The following PCDHA2 variants were observed in gnomAD, a reference collection of about 807,000 sequenced individuals.
PCDHA2 encodes protocadherin alpha-2.
PCDHA2 carries 58 observed loss-of-function variants against 66.0 expected under a neutral mutation model. The observed-to-expected ratio is 0.88, with a 90% CI of 0.71 to 1.09. The LOEUF (loss-of-function observed/expected upper bound fraction) is 1.09. Ranked by LOEUF, PCDHA2 falls within the 50% of genes least tolerant of loss-of-function variation. The pLI is 0.00. For missense variants in PCDHA2, 1,267 were observed against 1,242.3 expected, an observed-to-expected ratio of 1.02 and a Z score of -0.30; for synonymous variants, 634 against 554.0, an observed-to-expected ratio of 1.14 and a Z score of -2.03.
intron 1 of PCDHA2, chr5:140,829,278 A>G: frequency 6.2e-7 from 1 of 1,614,236 alleles, no homozygotes; most frequent in Non-Finnish European, 8.5e-7. Flanking sequence ...GTCCCTTTCA[A>G]GCTGGTGTCC....
chr5:140,805,708 A>G (rs1009335887), intron 1 of PCDHA2: 2 of 633,596 alleles, frequency 3.2e-6, no homozygotes, highest in Non-Finnish European at 3.9e-6. Context: ...GAATTAGAAT[A>G]AAAATTAAGC....
At chr5:140,913,896 C>T (rs1440194616) in intron 1 of PCDHA2, among the ~76,000 whole-genome samples, 5 of 152,018 alleles carry the variant, frequency 3.3e-5, no homozygotes, top group African/African-American at 7.2e-5. Context: ...TCCAAAATTC[C>T]CCTTTTTTAT....
chr5:140,893,138 A>G (rs1336386852), intron 1 of PCDHA2, among the ~76,000 whole-genome samples: 1 of 152,142 alleles, frequency 6.6e-6, no homozygotes, highest in Non-Finnish European at 1.5e-5. Context: ...TTCTTTATCC[A>G]CTCATCTGTT....
chr5:140,852,375 T>A lies in PCDHA2; in HGVS notation c.2388+55023T>A, dbSNP rs2042313801. ...TCACTGCAACGTCTGCCTCCTGGGTTCAAGCAATTCTCCTGCCTCAGCCTC... is the reference window on the plus strand; with the variant it reads ...TCACTGCAACGTCTGCCTCCTGGGTACAAGCAATTCTCCTGCCTCAGCCTC... On this transcript the variant is annotated intron_variant, in intron 1 of 3. Transcript: ENST00000526136. 1.0e-5 allele frequency: 2 copies of A among 192,516 alleles called. 1 individual carries two copies. The highest frequency in any genetic ancestry group is 1.3e-4 in the Admixed American group (2 of 14,898). The allele number at this position is 192,516 out of a possible 1,614,324, so 11.9% of individuals were successfully genotyped here. A position where few individuals can be genotyped will look rare whatever the true frequency, so the allele number is the denominator to read the frequency against.
chr5:140,857,185 A>T (rs782245615), intron 1 of PCDHA2: 1 of 1,598,506 alleles, frequency 6.3e-7, no homozygotes, highest in South Asian at 1.1e-5. Flanking sequence ...ATGATTCAGG[A>T]GCCAACGGAC....
At chr5:140,886,615 C>A (rs1032902050) in intron 1 of PCDHA2, among the ~76,000 whole-genome samples, 2 of 152,028 alleles carry the variant, frequency 1.3e-5, no homozygotes, top group Admixed American at 1.3e-4. Flanking sequence ...ATCAGGAGAT[C>A]AGGAGTCCGA....
chr5:140,818,014 A>G (rs1453170994), intron 1 of PCDHA2, among the ~76,000 whole-genome samples: 1 of 152,160 alleles, frequency 6.6e-6, no homozygotes, highest in Non-Finnish European at 1.5e-5. Context: ...CACTTTTAAC[A>G]GCTTTACTAT....
In PCDHA2 at chr5:140,967,846, C is replaced by T. The variant is rs151021111; in HGVS notation, c.2389-11103C>T. ...TGGTGGACATCGTGGACGTGAATGA[C>T]AATGCCCCAGAGGTGGTGCTCACGG... On this transcript the variant is annotated intron_variant, in intron 1 of 3. Coordinates refer to ENST00000526136, the MANE Select transcript of PCDHA2 (RefSeq NM_018905.3). 708 of 1,614,166 alleles carry T rather than the reference C, an allele frequency of 4.4e-4. 2 individuals are homozygous for T. Among genetic ancestry groups the T allele is most frequent in the Middle Eastern group, 2.8e-3 (17 of 6,062 alleles).
At chr5:140,842,217 C>T (rs145025203) in intron 1 of PCDHA2, 1 of 1,613,264 alleles carries the variant, frequency 6.2e-7, no homozygotes, top group South Asian at 1.1e-5. Context: ...GATCGAAATA[C>T]GGGAGAAATA....
At chr5:140,807,786 T>C (rs1554124270) in intron 1 of PCDHA2, 18 of 1,614,120 alleles carry the variant, frequency 1.1e-5, no homozygotes, top group Non-Finnish European at 1.5e-5. Flanking sequence ...CGGAAATCTT[T>C]AGACAGAGAA....
chr5:140,924,103 TC>T (rs1377290150), intron 1 of PCDHA2, among the ~76,000 whole-genome samples: 1 of 152,234 alleles, frequency 6.6e-6, no homozygotes, highest in African/African-American at 2.4e-5. Flanking sequence ...AAATTTTCAT[TC>T]CAAAGCAGTT....
At chr5:140,836,969 C>T (rs2150271753) in intron 1 of PCDHA2, 9 of 381,928 alleles carry the variant, frequency 2.4e-5, no homozygotes, top group Non-Finnish European at 3.7e-5. Flanking sequence ...TGGCTACTCT[C>T]CATTTTTGGA....
intron 1 of PCDHA2, among the ~76,000 whole-genome samples, chr5:140,881,772 C>A (rs1253242879): frequency 6.6e-6 from 1 of 152,200 alleles, no homozygotes; most frequent in Admixed American, 6.5e-5. Context: ...CATGACTATG[C>A]AGAACTACCG....
intron 3 of PCDHA2, among the ~76,000 whole-genome samples, chr5:141,000,387 CTCTCTCTCTATATA>C (rs1446529556): frequency 4.5e-4 from 30 of 66,870 alleles, no homozygotes; most frequent in African/African-American, 1.4e-3. Flanking sequence ...CTCTCTCTCT[CTCTCTCTCTATATA>C]TATATATATA....
At chr5:140,836,556 G>T (rs1441069501) in intron 1 of PCDHA2, 2 of 1,613,776 alleles carry the variant, frequency 1.2e-6, no homozygotes, top group Non-Finnish European at 1.7e-6. Flanking sequence ...GCGGTGCTCA[G>T]CGCCGTCCTC....
intron 1 of PCDHA2, among the ~76,000 whole-genome samples, chr5:140,916,814 G>A (rs1201189287): frequency 3.3e-5 from 5 of 152,112 alleles, no homozygotes; most frequent in African/African-American, 1.2e-4. Context: ...TAGGTCATGT[G>A]CCACCCCTAT....
intron 1 of PCDHA2, chr5:140,884,130 C>T (rs1554181258): frequency 3.1e-6 from 5 of 1,613,434 alleles, no homozygotes; most frequent in Non-Finnish European, 3.4e-6. Flanking sequence ...GCGCGCATCC[C>T]GTTCCGCGTG....
intron 1 of PCDHA2, chr5:140,860,013 G>T (rs1218796590): frequency 6.6e-6 from 1 of 151,942 alleles, no homozygotes; most frequent in African/African-American, 2.4e-5. Flanking sequence ...TTAAGGCCAG[G>T]CATGGTGGCT....
chr5:140,955,006 C>T (rs1304080416), intron 1 of PCDHA2, among the ~76,000 whole-genome samples: 1 of 152,154 alleles, frequency 6.6e-6, no homozygotes, highest in African/African-American at 2.4e-5. Flanking sequence ...AGCCAATTCT[C>T]CCAGCACCAT....
Sources: allele counts gnomAD v4.1 joint callset (sites outside exome capture counted in the v4.1 genomes callset), GRCh38; gene constraint gnomAD v4.1.1; transcripts MANE v1.5; gene names NCBI Gene and HGNC (gene_info 2026-07-23, HGNC 2026-07-21).